Variants in C12orf54 observed in about 807,000 individuals in gnomAD.
C12orf54 encodes chromosome 12 open reading frame 54.
Under a neutral mutation model 26.4 loss-of-function variants are expected in C12orf54, and 24 were observed. The ratio of observed to expected loss-of-function variants is 0.91; its 90% CI spans 0.66 to 1.28. C12orf54 has a LOEUF of 1.28. Ranked by LOEUF, C12orf54 falls within the 50% of genes most tolerant of loss-of-function variation. The pLI, the probability that C12orf54 is intolerant of heterozygous loss-of-function variation, is 0.00. For synonymous variants in C12orf54, 54 were observed against 47.0 expected (o/e 1.15, Z -0.61); for missense variants, 154 against 150.9 (o/e 1.02, Z -0.11).
chr12:48,481,682 G>A (rs1311193168), upstream of C12orf54, among the ~76,000 whole-genome samples: 1 of 152,088 alleles, frequency 6.6e-6, no homozygotes, highest in Admixed American at 6.5e-5. Context: ...TTAGATTTTA[G>A]CCCTCTCCTT....
At chr12:48,452,432 T>C in the C12orf54 span, among the ~76,000 whole-genome samples, 1 of 152,046 alleles carries the variant, frequency 6.6e-6, no homozygotes, top group Admixed American at 6.6e-5. Context: ...CAGGCAAAGA[T>C]TTCATGACAA....
the C12orf54 span, among the ~76,000 whole-genome samples, chr12:48,450,515 G>C: frequency 6.6e-6 from 1 of 151,962 alleles, no homozygotes; most frequent in Admixed American, 6.6e-5. Context: ...AGAGACATGA[G>C]AAAACCCTTC....
At chr12:48,449,119 C>G in the C12orf54 span, among the ~76,000 whole-genome samples, 1 of 152,158 alleles carries the variant, frequency 6.6e-6, no homozygotes, top group Admixed American at 6.5e-5. Flanking sequence ...TTATGGAAAT[C>G]AAGGTCCTTT....
the C12orf54 span, among the ~76,000 whole-genome samples, chr12:48,435,760 A>G: frequency 1.7e-3 from 255 of 152,346 alleles, 1 homozygote; most frequent in African/African-American, 6.0e-3. Context: ...TGAAGGAAGC[A>G]CTAAACATGG....
At chr12:48,447,684 G>A in the C12orf54 span, among the ~76,000 whole-genome samples, 1 of 152,096 alleles carries the variant, frequency 6.6e-6, no homozygotes, top group Non-Finnish European at 1.5e-5. Context: ...TAGCAGAATT[G>A]TCTTCTAAAG....
At chr12:48,482,645 A>C (rs981764684) in intron 1 of C12orf54, 69 bp downstream of exon 1, 2 of 152,180 alleles carry the variant, frequency 1.3e-5, no homozygotes, top group Non-Finnish European at 2.9e-5. Flanking sequence ...TGGGAGTGGG[A>C]AAAGTGGGAG....
the C12orf54 span, among the ~76,000 whole-genome samples, chr12:48,470,111 T>A: frequency 6.6e-6 from 1 of 152,244 alleles, no homozygotes; most frequent in Non-Finnish European, 1.5e-5. Flanking sequence ...AGCACCTAGG[T>A]TGATTCCATG....
chr12:48,456,581 C>G, the C12orf54 span, among the ~76,000 whole-genome samples: 1 of 152,112 alleles, frequency 6.6e-6, no homozygotes, highest in African/African-American at 2.4e-5. Context: ...CCTCGCCTGC[C>G]GTGACCTTGG....
At chr12:48,493,616 C>T (rs1937839787) in intron 7 of C12orf54, among the ~76,000 whole-genome samples, 1 of 61,600 alleles carries the variant, frequency 1.6e-5, no homozygotes, top group Non-Finnish European at 3.0e-5. Flanking sequence ...CAGAGCAAAA[C>T]ACTGTCTCAT....
the C12orf54 span, among the ~76,000 whole-genome samples, chr12:48,438,578 C>A: frequency 2.0e-5 from 3 of 152,170 alleles, no homozygotes; most frequent in African/African-American, 2.4e-5. Context: ...TGTAACAGAA[C>A]AGAGCCCTCA....
At chr12:48,488,431 T>C (rs1937706253) in intron 4 of C12orf54, 1 of 425,246 alleles carries the variant, frequency 2.4e-6, no homozygotes, top group South Asian at 1.9e-5. Flanking sequence ...TGTGGTCATC[T>C]ACCTCAGTAA....
In C12orf54 at chr12:48,491,193, T is replaced by C. The variant is rs1460899895; in HGVS notation, c.193+357T>C. On this transcript the variant is annotated intron_variant, in intron 6 of 8. Coordinates refer to ENST00000548364, the MANE Select transcript of C12orf54 (RefSeq NM_152319.4). Reference sequence around the variant, plus strand: ...AACAGAAATTTATTTCCCACAGTTCTGGAGGCTGGGATATCCTAGATCAAG... The same window carrying C: ...AACAGAAATTTATTTCCCACAGTTCCGGAGGCTGGGATATCCTAGATCAAG... 2.0e-5 allele frequency among the ~76,000 whole-genome samples: 3 copies of C among 152,230 alleles called. No homozygotes were observed. The East Asian group carries it at 5.8e-4, about 29-fold the overall frequency.
chr12:48,461,483 G>C, the C12orf54 span, among the ~76,000 whole-genome samples: 1 of 151,528 alleles, frequency 6.6e-6, no homozygotes. Flanking sequence ...ACCACATTCT[G>C]GGCTATAAAC....
At chr12:48,471,982 TG>T in the C12orf54 span, among the ~76,000 whole-genome samples, 4 of 152,196 alleles carry the variant, frequency 2.6e-5, no homozygotes, top group Non-Finnish European at 4.4e-5. Flanking sequence ...GAACATGGGA[TG>T]TTTTTCCACT....
chr12:48,438,976 G>A, the C12orf54 span, among the ~76,000 whole-genome samples: 6 of 152,160 alleles, frequency 3.9e-5, no homozygotes, highest in South Asian at 6.2e-4. Flanking sequence ...GCAACCTACA[G>A]AATGGGAGAA....
At chr12:48,415,041 GTAAGTGTC>G in the C12orf54 span, among the ~76,000 whole-genome samples, 26 of 152,176 alleles carry the variant, frequency 1.7e-4, no homozygotes, top group Admixed American at 1.5e-3. Flanking sequence ...AGCATCTCCA[GTAAGTGTC>G]TATCCAGCCT....
At chr12:48,485,694 G>A (rs182375956) in intron 2 of C12orf54, among the ~76,000 whole-genome samples, 219 of 152,312 alleles carry the variant, frequency 1.4e-3, no homozygotes, top group African/African-American at 4.8e-3. Flanking sequence ...CCAAGAATAA[G>A]CAAATCTTTC....
At chr12:48,435,720 T>G in the C12orf54 span, among the ~76,000 whole-genome samples, 6 of 152,116 alleles carry the variant, frequency 3.9e-5, no homozygotes, top group East Asian at 7.7e-4. Context: ...CTGAGAGATT[T>G]TGTCACCAAG....
the C12orf54 span, among the ~76,000 whole-genome samples, chr12:48,439,637 T>G: frequency 1.3e-5 from 2 of 152,104 alleles, no homozygotes; most frequent in South Asian, 4.1e-4. Flanking sequence ...CTCAGCAAAC[T>G]ATTGCAAGGA....
Sources: gnomAD v4.1 joint callset for allele counts (sites outside exome capture counted in the v4.1 genomes callset) on GRCh38, gnomAD v4.1.1 for gene constraint, MANE v1.5 for transcripts, NCBI Gene and HGNC (gene_info 2026-07-23, HGNC 2026-07-21) for gene names.